SSH1: variants seen among roughly 807,000 people sequenced by gnomAD.
The protein encoded by SSH1 is slingshot protein phosphatase 1.
SSH1 carries 43 observed loss-of-function variants against 79.7 expected under a neutral mutation model. The observed-to-expected ratio is 0.54, with a 90% CI of 0.42 to 0.70. SSH1 has a LOEUF of 0.70. Among genes scored for constraint, SSH1 ranks in the 30% least tolerant of loss-of-function variants. SSH1 has a pLI of 0.00. For missense variants in SSH1, 1,206 were observed against 1,358.8 expected, an observed-to-expected ratio of 0.89 and a Z score of 1.77; for synonymous variants, 599 against 538.3, an observed-to-expected ratio of 1.11 and a Z score of -1.56.
intron 14 of SSH1, 70 bp from the exon 15 acceptor site, chr12:108,789,314 G>T: frequency 6.6e-7 from 1 of 1,516,654 alleles, no homozygotes; most frequent in Non-Finnish European, 8.9e-7. Context: ...ACATGAGGGT[G>T]GGCAGGGAAA....
intron 2 of SSH1, among the ~76,000 whole-genome samples, chr12:108,828,773 T>C (rs1398502352): frequency 1.3e-5 from 2 of 152,190 alleles, no homozygotes; most frequent in East Asian, 3.9e-4. Flanking sequence ...AGGAGTTCTG[T>C]AAACCACACA....
At chr12:108,815,563 A>C (rs2037846438) in intron 5 of SSH1, among the ~76,000 whole-genome samples, 1 of 152,150 alleles carries the variant, frequency 6.6e-6, no homozygotes, top group Non-Finnish European at 1.5e-5. Flanking sequence ...AACACTAAAC[A>C]CCGCTATGCC....
At chr12:108,827,178 C>T in intron 2 of SSH1, 1 of 1,366,694 alleles carries the variant, frequency 7.3e-7, no homozygotes, top group Non-Finnish European at 9.8e-7. Context: ...CTCAAAAAAC[C>T]CCAGGCCCCC....
At chr12:108,797,831 A>G (rs1424978505) in intron 13 of SSH1, among the ~76,000 whole-genome samples, 1 of 152,210 alleles carries the variant, frequency 6.6e-6, no homozygotes, top group African/African-American at 2.4e-5. Context: ...CCTCTTGAGC[A>G]CCAGACAAGA....
At chr12:108,793,112 A>G (rs1298440620) in intron 13 of SSH1, among the ~76,000 whole-genome samples, 1 of 152,152 alleles carries the variant, frequency 6.6e-6, no homozygotes, top group African/African-American at 2.4e-5. Context: ...CTAGACTTCA[A>G]TCTGTGTATC....
intron 1 of SSH1, among the ~76,000 whole-genome samples, chr12:108,855,296 G>A (rs1165608565): frequency 6.6e-6 from 1 of 152,178 alleles, no homozygotes; most frequent in Non-Finnish European, 1.5e-5. Flanking sequence ...CAAATCCATA[G>A]ATACAGAAAG....
chr12:108,793,262 G>A (rs1315819740), intron 13 of SSH1, among the ~76,000 whole-genome samples: 4 of 152,162 alleles, frequency 2.6e-5, no homozygotes, highest in East Asian at 1.9e-4. Context: ...ATCTATACAC[G>A]ATAATACAAC....
Position 108,807,743 on chromosome 12 carries a change from A to G in SSH1, c.621T>C (p.Ala207=). 1 of 1,613,306 alleles carries G rather than the reference A, an allele frequency of 6.2e-7. No individual in the cohort carries two copies. Among genetic ancestry groups the G allele is most frequent in the Non-Finnish European group, 8.5e-7 (1 of 1,179,608 alleles). The change falls in exon 8 of 15, where the codon GCT becomes GCC. Residue 207 remains alanine, a synonymous_variant. Transcript: ENST00000326495. The surrounding 1 kb of genome is among the most constrained non-coding windows in gnomAD (Gnocchi z 5.2). ...YFPGGVALIW[A]TYYESCISSE... Reference sequence around the variant, plus strand: ...AGCTGATGCAGCTCTCATAGTAGGTAGCCCAGATGAGAGCTACACCCCCGG... The same window carrying G: ...AGCTGATGCAGCTCTCATAGTAGGTGGCCCAGATGAGAGCTACACCCCCGG...
chr12:108,828,720 G>A (rs2038396260), intron 2 of SSH1, among the ~76,000 whole-genome samples: 1 of 152,312 alleles, frequency 6.6e-6, no homozygotes, highest in South Asian at 2.1e-4. Context: ...ATAGTTGGGG[G>A]ACAGGACACA....
chr12:108,852,241 T>A (rs1324061363), intron 2 of SSH1, among the ~76,000 whole-genome samples: 1 of 150,860 alleles, frequency 6.6e-6, no homozygotes, highest in Non-Finnish European at 1.5e-5. Flanking sequence ...GCATATTCTT[T>A]TTTTTTTTTT....
At chr12:108,803,859 G>T (rs2037141843) in intron 10 of SSH1, among the ~76,000 whole-genome samples, 1 of 152,056 alleles carries the variant, frequency 6.6e-6, no homozygotes, top group South Asian at 2.1e-4. Context: ...TTTGTATACA[G>T]AAATGTATTA....
intron 2 of SSH1, chr12:108,834,310 C>T (rs1156807151): frequency 6.6e-6 from 1 of 152,396 alleles, no homozygotes; most frequent in Non-Finnish European, 1.5e-5. Context: ...TGCCTGTCTT[C>T]CAGTGTTTAT....
intron 2 of SSH1, among the ~76,000 whole-genome samples, chr12:108,831,576 G>A (rs2038474800): frequency 6.6e-6 from 1 of 152,194 alleles, no homozygotes; most frequent in South Asian, 2.1e-4. Context: ...TTCCACGGTG[G>A]AAGGAGGTGG....
intron 2 of SSH1, among the ~76,000 whole-genome samples, chr12:108,829,029 G>A (rs1481351155): frequency 6.6e-6 from 1 of 152,146 alleles, no homozygotes; most frequent in Non-Finnish European, 1.5e-5. Context: ...CGCGCTTTAA[G>A]GTTTAAGAAA....
rs918606736 is a variant in SSH1, at chr12:108,782,872, T to C, written c.*5116A>G. The C allele has an allele frequency of 6.6e-6, 1 of 151,996 alleles. No individual in the cohort carries two copies. The highest frequency in any genetic ancestry group is 2.4e-5 in the African/African-American group (1 of 41,396). 9.4% of individuals were successfully genotyped at this position (151,996 alleles called of 1,614,324 possible). The stretch of plus-strand genomic sequence containing the variant: ...ACAAGAAGAAAAACAATAAAAAAAA[T>C]CATCGATATCTTAACGCAATTCACG... On this transcript the variant is annotated 3_prime_UTR_variant, in exon 15 of 15. Coordinates refer to ENST00000326495, the MANE Select transcript of SSH1 (RefSeq NM_018984.4).
At chr12:108,821,709 C>T (rs2038127381) in intron 3 of SSH1, among the ~76,000 whole-genome samples, 1 of 152,192 alleles carries the variant, frequency 6.6e-6, no homozygotes, top group South Asian at 2.1e-4. Context: ...ACCACACTGC[C>T]TCCTTGTACA....
In SSH1 at chr12:108,787,985, G is replaced by C. The variant is rs573450067; in HGVS notation, c.*3C>G. The C allele has an allele frequency of 6.2e-7, 1 of 1,614,128 alleles. No homozygotes were observed. The highest frequency in any genetic ancestry group is 1.1e-5 in the South Asian group (1 of 91,074). ...CGCCCAGCCTGACGCAGCAAAAGGC[G>C]GGTCAGCTTTTGCTCATCCACGAAG... On this transcript the variant is annotated 3_prime_UTR_variant, in exon 15 of 15. Transcript: ENST00000326495.
intron 5 of SSH1, among the ~76,000 whole-genome samples, chr12:108,813,194 C>A (rs2037706998): frequency 1.3e-5 from 2 of 152,128 alleles, no homozygotes; most frequent in Admixed American, 1.3e-4. Context: ...GGAAGAGTGA[C>A]CCCAAAGGAT....
chr12:108,802,572 C>T (rs555508735), intron 10 of SSH1, among the ~76,000 whole-genome samples: 8 of 152,078 alleles, frequency 5.3e-5, no homozygotes, highest in Non-Finnish European at 1.0e-4. Flanking sequence ...GAGGGAGGGA[C>T]GGAGGGAGGG....
Sources: allele counts gnomAD v4.1 joint callset (sites outside exome capture counted in the v4.1 genomes callset), GRCh38; gene constraint gnomAD v4.1.1; non-coding constraint Gnocchi (gnomAD v3.1); transcripts MANE v1.5; gene names NCBI Gene and HGNC (gene_info 2026-07-23, HGNC 2026-07-21).